NR5A2: variants seen among roughly 807,000 people sequenced by gnomAD.
The protein encoded by NR5A2 is CYP7A promoter-binding factor.
In NR5A2, 26 loss-of-function variants were observed where a neutral mutation model predicts 62.7. The ratio of observed to expected loss-of-function variants is 0.41; its 90% CI spans 0.30 to 0.58. The LOEUF (loss-of-function observed/expected upper bound fraction) is 0.58. Among genes scored for constraint, NR5A2 ranks in the 20% least tolerant of loss-of-function variants. The pLI, the probability that NR5A2 is intolerant of heterozygous loss-of-function variation, is 0.22. For missense variants in NR5A2, 541 were observed against 669.1 expected (o/e 0.81, Z 2.11); for synonymous variants, 246 against 241.7 (o/e 1.02, Z -0.16).
intron 5 of NR5A2, among the ~76,000 whole-genome samples, chr1:200,100,640 T>C (rs1665322923): frequency 6.6e-6 from 1 of 152,208 alleles, no homozygotes; most frequent in African/African-American, 2.4e-5. Flanking sequence ...TTGGCTCTTC[T>C]TAACATTGCC....
Position 200,076,139 on chromosome 1 carries a change from A to G in NR5A2, c.1110+27321A>G, listed in dbSNP as rs1390891345. The stretch of plus-strand genomic sequence containing the variant: ...CCTTTCTTCAGAAGTAGTCTTCCGC[A>G]TGGTTTAATGTGCTAACATAACCCC... On this transcript the variant is annotated intron_variant, in intron 5 of 7. Coordinates refer to ENST00000367362, the MANE Select transcript of NR5A2 (RefSeq NM_205860.3). Among the ~76,000 whole-genome samples, 5 of 152,218 alleles carry G rather than the reference A, an allele frequency of 3.3e-5. No homozygotes were observed. The East Asian group carries it at 5.8e-4, about 18-fold the overall frequency.
At chr1:200,075,308 C>CA (rs1261428759) in intron 5 of NR5A2, among the ~76,000 whole-genome samples, 1 of 151,952 alleles carries the variant, frequency 6.6e-6, no homozygotes, top group Non-Finnish European at 1.5e-5. Flanking sequence ...AGCCGCTTTG[C>CA]AAAAAAAGGA....
At chr1:200,146,948 T>C (rs1375060201) in intron 7 of NR5A2, among the ~76,000 whole-genome samples, 1 of 142,012 alleles carries the variant, frequency 7.0e-6, no homozygotes, top group African/African-American at 2.6e-5. Flanking sequence ...GTATGTATCC[T>C]TATCCTTGTA....
intron 7 of NR5A2, among the ~76,000 whole-genome samples, chr1:200,151,535 A>G (rs1211757911): frequency 1.3e-5 from 2 of 152,206 alleles, no homozygotes; most frequent in African/African-American, 4.8e-5. Context: ...AAGGTGTACA[A>G]CACTCAACTG....
At chr1:200,115,812 T>C (rs754677317) in intron 6 of NR5A2, among the ~76,000 whole-genome samples, 6 of 152,150 alleles carry the variant, frequency 3.9e-5, no homozygotes, top group Non-Finnish European at 5.9e-5. Flanking sequence ...TCAGCTTCTA[T>C]AAGGAAGTGC....
chr1:200,120,854 A>G lies in NR5A2; in HGVS notation c.1277A>G (p.Asn426Ser). 1.3e-6 allele frequency: 2 copies of G among 1,595,646 alleles called. No individual in the cohort carries two copies. Among genetic ancestry groups the G allele is most frequent in the Non-Finnish European group, 1.7e-6 (2 of 1,173,236 alleles). ...TCACAAGCCGGAGCCACCCTCAACA[A>G]CCTCATGAGTCATGCACAGGAGTTA... is the stretch of plus-strand genomic sequence containing the variant. ...IASQAGATLN[N>S]LMSHAQELVA... The change falls in exon 7 of 8, where the codon AAC becomes AGC. Residue 426 changes from asparagine to serine, a missense_variant. Coordinates refer to ENST00000367362, the MANE Select transcript of NR5A2 (RefSeq NM_205860.3).
intron 1 of NR5A2, among the ~76,000 whole-genome samples, chr1:200,033,698 G>A (rs1661633131): frequency 6.6e-6 from 1 of 152,194 alleles, no homozygotes; most frequent in African/African-American, 2.4e-5. Flanking sequence ...GGCACACACT[G>A]TACACCATCT....
chr1:200,043,008 A>C (rs530630925), intron 2 of NR5A2: 2 of 985,372 alleles, frequency 2.0e-6, no homozygotes, highest in East Asian at 2.3e-4. Context: ...TGTGAGGTTC[A>C]TTACAGGGCT....
chr1:200,055,665 C>T (rs1465511433), intron 5 of NR5A2, among the ~76,000 whole-genome samples: 1 of 152,214 alleles, frequency 6.6e-6, no homozygotes, highest in Non-Finnish European at 1.5e-5. Context: ...GCAATAGCCA[C>T]TTTACTTACC....
chr1:200,168,210 CTTTT>C (rs1164744059), intron 7 of NR5A2, among the ~76,000 whole-genome samples: 1 of 141,142 alleles, frequency 7.1e-6, no homozygotes, highest in African/African-American at 2.6e-5. Context: ...TTTATATCTA[CTTTT>C]TTTTTTTTTT....
At chr1:200,151,332 A>T (rs1334441950) in intron 7 of NR5A2, among the ~76,000 whole-genome samples, 1 of 152,198 alleles carries the variant, frequency 6.6e-6, no homozygotes, top group East Asian at 1.9e-4. Context: ...TTATGCCATG[A>T]TTTACTGTCA....
chr1:200,073,298 T>TTATATATA (rs771272912), intron 5 of NR5A2, among the ~76,000 whole-genome samples: 1 of 116,328 alleles, frequency 8.6e-6, no homozygotes, highest in African/African-American at 3.4e-5. Flanking sequence ...ATATTCCCCT[T>TTATATATA]TATATATATA....
intron 5 of NR5A2, among the ~76,000 whole-genome samples, chr1:200,085,381 T>G (rs988945526): frequency 2.6e-5 from 4 of 152,206 alleles, no homozygotes; most frequent in Non-Finnish European, 5.9e-5. Context: ...CACAAGGCAC[T>G]GGCTATACAG....
At chr1:200,168,100 G>A (rs1287641056) in intron 7 of NR5A2, among the ~76,000 whole-genome samples, 4 of 151,944 alleles carry the variant, frequency 2.6e-5, no homozygotes, top group African/African-American at 9.7e-5. Flanking sequence ...ACGAAGGTAT[G>A]AAATAATAAA....
At chr1:200,141,790 G>A (rs1172857896) in intron 7 of NR5A2, among the ~76,000 whole-genome samples, 17 of 152,196 alleles carry the variant, frequency 1.1e-4, no homozygotes, top group Admixed American at 1.1e-3. Context: ...TATAAAACTT[G>A]AAGTTGACAA....
At chr1:200,079,651 G>A (rs924903269) in intron 5 of NR5A2, among the ~76,000 whole-genome samples, 4 of 152,210 alleles carry the variant, frequency 2.6e-5, no homozygotes, top group Admixed American at 6.5e-5. Context: ...TGGTTATGGC[G>A]TGTGAGTTTT....
chr1:200,044,598 T>G (rs1315194924), intron 3 of NR5A2: 1 of 151,962 alleles, frequency 6.6e-6, no homozygotes, highest in Non-Finnish European at 1.5e-5. Flanking sequence ...AAGTTTTTTT[T>G]GTTTGTTTGT....
intron 5 of NR5A2, among the ~76,000 whole-genome samples, chr1:200,078,828 ACTT>A (rs972061939): frequency 2.6e-5 from 4 of 152,118 alleles, no homozygotes; most frequent in Admixed American, 2.6e-4. Context: ...TTACTTAACC[ACTT>A]CTTTGACCTA....
At chr1:200,057,686 C>A in intron 5 of NR5A2, 1 of 312,314 alleles carries the variant, frequency 3.2e-6, no homozygotes, top group Non-Finnish European at 6.5e-6. Flanking sequence ...GCCATGTTGG[C>A]CAGGCTGGTC....
Sources: gnomAD v4.1 joint callset for allele counts (sites outside exome capture counted in the v4.1 genomes callset) on GRCh38, gnomAD v4.1.1 for gene constraint, MANE v1.5 for transcripts, NCBI Gene and HGNC (gene_info 2026-07-23, HGNC 2026-07-21) for gene names.